ITPKB: variants seen among roughly 807,000 people sequenced by gnomAD.
The protein encoded by ITPKB is IP3 3-kinase B.
ITPKB carries 13 observed loss-of-function variants against 69.4 expected under a neutral mutation model. The observed-to-expected ratio is 0.19, with a 90% CI of 0.12 to 0.30. ITPKB has a LOEUF of 0.30. Ranked by LOEUF, ITPKB falls within the 10% of genes least tolerant of loss-of-function variation. ITPKB has a pLI of 1.00. For missense variants in ITPKB, 1,240 were observed against 1,250.5 expected (o/e 0.99, Z 0.13); for synonymous variants, 584 against 513.7 (o/e 1.14, Z -1.85).
intron 2 of ITPKB, among the ~76,000 whole-genome samples, chr1:226,686,421 C>G (rs1271369344): frequency 1.3e-5 from 2 of 152,184 alleles, no homozygotes; most frequent in African/African-American, 4.8e-5. Context: ...TTCCCAGGAG[C>G]ATTTCTTGTT....
intron 6 of ITPKB, among the ~76,000 whole-genome samples, chr1:226,639,335 G>C (rs578184556): frequency 6.6e-6 from 1 of 152,340 alleles, no homozygotes; most frequent in East Asian, 1.9e-4. Context: ...TGGGATTACA[G>C]GCGTGAGCCA....
chr1:226,638,162 G>A (rs1668878435), intron 6 of ITPKB, among the ~76,000 whole-genome samples: 1 of 152,206 alleles, frequency 6.6e-6, no homozygotes. Context: ...CAGCTGGCCG[G>A]GCCAGCCGAG....
At position 226,641,811 on chromosome 1, in the gene ITPKB, T is replaced by C; in HGVS notation, c.2451+110A>G. On this transcript the variant is annotated intron_variant, in intron 5 of 7. Coordinates refer to ENST00000429204, the MANE Select transcript of ITPKB (RefSeq NM_002221.4). This position sits in a 1 kb window ranked among gnomAD's most constrained non-coding sequence, Gnocchi z 4.6. ...GCCTTGGGGCGGGCCACCCACATTC[T>C]GAGCCTGTGCCTGGAGAAGCTTACA... The C allele has an allele frequency of 9.6e-7, 1 of 1,040,176 alleles. No individual in the cohort carries two copies. Among genetic ancestry groups the C allele is most frequent in the Non-Finnish European group, 1.4e-6 (1 of 707,136 alleles). 64.4% of individuals were successfully genotyped at this position (1,040,176 alleles called of 1,614,324 possible).
intron 2 of ITPKB, among the ~76,000 whole-genome samples, chr1:226,715,218 G>A (rs1352581787): frequency 2.0e-5 from 3 of 152,220 alleles, no homozygotes; most frequent in African/African-American, 7.2e-5. Context: ...GCTTGTACAT[G>A]TATCCCTACT....
In ITPKB at chr1:226,642,326, T is replaced by C. The variant is rs1428936402; in HGVS notation, c.2247-201A>G. On this transcript the variant is annotated intron_variant, in intron 4 of 7. Transcript: ENST00000429204. The surrounding 1 kb of genome is among the most constrained non-coding windows in gnomAD (Gnocchi z 6.4). Reference sequence around the variant, plus strand: ...GGGGCTGGCTCTAATTTTTCTTTTCTTTTTTTTTTAGACAATTTTTTTAGT... The same window carrying C: ...GGGGCTGGCTCTAATTTTTCTTTTCCTTTTTTTTTAGACAATTTTTTTAGT... Among the ~76,000 whole-genome samples the C allele has an allele frequency of 1.3e-5, 2 of 148,802 alleles. No homozygotes were observed. The highest frequency in any genetic ancestry group is 3.0e-5 in the Non-Finnish European group (2 of 66,930).
intron 2 of ITPKB, among the ~76,000 whole-genome samples, chr1:226,723,663 G>C (rs187456256): frequency 4.4e-4 from 67 of 152,178 alleles, no homozygotes; most frequent in Admixed American, 2.3e-3. Context: ...CAAGAAAGCA[G>C]AGGAACAAGG....
intron 2 of ITPKB, among the ~76,000 whole-genome samples, chr1:226,728,452 T>C (rs1029069284): frequency 6.6e-6 from 1 of 152,136 alleles, no homozygotes; most frequent in African/African-American, 2.4e-5. Context: ...GAAATGATTG[T>C]AACAAGTCAT....
chr1:226,708,578 G>C (rs1228702122), intron 2 of ITPKB, among the ~76,000 whole-genome samples: 2 of 152,130 alleles, frequency 1.3e-5, no homozygotes, highest in Non-Finnish European at 2.9e-5. Flanking sequence ...TTTCCTCCAA[G>C]GGATATTATC....
intron 2 of ITPKB, among the ~76,000 whole-genome samples, chr1:226,689,667 T>G (rs1022663817): frequency 6.6e-6 from 1 of 151,608 alleles, no homozygotes; most frequent in African/African-American, 2.4e-5. Flanking sequence ...ACAGGTCACA[T>G]AGGTAAACTT....
chr1:226,688,788 A>G (rs1571859258), intron 2 of ITPKB, among the ~76,000 whole-genome samples: 1 of 152,332 alleles, frequency 6.6e-6, no homozygotes, highest in East Asian at 1.9e-4. Context: ...GGACGCTGGT[A>G]TGACTCTCAC....
rs1419977600 is a variant in ITPKB at position 226,637,454 on chromosome 1, G to A, written c.2625+225C>T. On this transcript the variant is annotated intron_variant, in intron 7 of 7. Coordinates refer to ENST00000429204, the MANE Select transcript of ITPKB (RefSeq NM_002221.4). This position sits in a 1 kb window ranked among gnomAD's most constrained non-coding sequence, Gnocchi z 4.3. Reference sequence around the variant, plus strand: ...CTGGAGCTGGAAGGACAAGGGAGGAGAAAGGGGGCAATAGCCAGGGGTCTC... The same window carrying A: ...CTGGAGCTGGAAGGACAAGGGAGGAAAAAGGGGGCAATAGCCAGGGGTCTC... Among the ~76,000 whole-genome samples the A allele has an allele frequency of 6.6e-6, 1 of 152,228 alleles. No individual in the cohort carries two copies. The highest frequency in any genetic ancestry group is 1.5e-5 in the Non-Finnish European group (1 of 68,040).
Position 226,738,226 on chromosome 1 carries a change from G to A in ITPKB, c.-205-563C>T, listed in dbSNP as rs1327085925. Among the ~76,000 whole-genome samples the A allele has an allele frequency of 6.6e-6, 1 of 152,232 alleles. No individual in the cohort carries two copies. Among genetic ancestry groups the A allele is most frequent in the Non-Finnish European group, 1.5e-5 (1 of 68,026 alleles). On this transcript the variant is annotated intron_variant, in intron 1 of 7. Coordinates refer to ENST00000429204, the MANE Select transcript of ITPKB (RefSeq NM_002221.4). This position sits in a 1 kb window ranked among gnomAD's most constrained non-coding sequence, Gnocchi z 4.2. Reference sequence around the variant, plus strand: ...GCTGCCAGCGCCCGGATCTGGGAGGGCGCCCGCGTGCCCGCCGTTTACCTT... The same window carrying A: ...GCTGCCAGCGCCCGGATCTGGGAGGACGCCCGCGTGCCCGCCGTTTACCTT...
intron 2 of ITPKB, among the ~76,000 whole-genome samples, chr1:226,700,087 C>T (rs945214249): frequency 2.0e-5 from 3 of 152,092 alleles, no homozygotes; most frequent in African/African-American, 7.2e-5. Context: ...TGGTGCCCAC[C>T]CAGATTAAGG....
At chr1:226,661,115 C>A (rs1490396316) in intron 2 of ITPKB, among the ~76,000 whole-genome samples, 1 of 152,256 alleles carries the variant, frequency 6.6e-6, no homozygotes, top group Non-Finnish European at 1.5e-5. Flanking sequence ...CTCAGAGGCG[C>A]CAGCCAGGGG....
At chr1:226,725,485 C>G (rs957927798) in intron 2 of ITPKB, among the ~76,000 whole-genome samples, 1 of 152,238 alleles carries the variant, frequency 6.6e-6, no homozygotes, top group South Asian at 2.1e-4. Flanking sequence ...ATTAAAAGCT[C>G]AAGACTTTGC....
intron 2 of ITPKB, among the ~76,000 whole-genome samples, chr1:226,652,997 G>A (rs189883323): frequency 1.1e-4 from 16 of 152,260 alleles, no homozygotes; most frequent in African/African-American, 3.4e-4. Context: ...GTCATCTCTC[G>A]GGGAGATAGG....
At position 226,637,833 on chromosome 1, in the gene ITPKB, C is replaced by A; in HGVS notation, c.2554-83G>T. The A allele has an allele frequency of 2.0e-6, 2 of 1,024,196 alleles. No individual in the cohort carries two copies. The highest frequency in any genetic ancestry group is 1.6e-5 in the African/African-American group (1 of 63,460). 63.4% of individuals were successfully genotyped at this position (1,024,196 alleles called of 1,614,324 possible). A position where few individuals can be genotyped will look rare whatever the true frequency, so the allele number is the denominator to read the frequency against. ...AACACCCATGCGGCCTCTAGTGGTCCCTCCCGTGAATGTGCTTTACCCTAA... is the reference window on the plus strand; with the variant it reads ...AACACCCATGCGGCCTCTAGTGGTCACTCCCGTGAATGTGCTTTACCCTAA... On this transcript the variant is annotated intron_variant, in intron 6 of 7. Transcript: ENST00000429204. The surrounding 1 kb of genome is among the most constrained non-coding windows in gnomAD (Gnocchi z 4.3).
At chr1:226,643,865 C>CTGCACACACACAGG (rs1558300765) in intron 4 of ITPKB, among the ~76,000 whole-genome samples, 1 of 152,240 alleles carries the variant, frequency 6.6e-6, no homozygotes. Flanking sequence ...CTGTGCACCA[C>CTGCACACACACAGG]TGCACACACA....
intron 4 of ITPKB, among the ~76,000 whole-genome samples, chr1:226,643,045 C>A (rs984032781): frequency 6.6e-6 from 1 of 152,206 alleles, no homozygotes; most frequent in Non-Finnish European, 1.5e-5. Context: ...CGACACCAGG[C>A]CTCCTCATAG....
Sources: allele counts gnomAD v4.1 joint callset (sites outside exome capture counted in the v4.1 genomes callset), GRCh38; gene constraint gnomAD v4.1.1; non-coding constraint Gnocchi (gnomAD v3.1); transcripts MANE v1.5; gene names NCBI Gene and HGNC (gene_info 2026-07-23, HGNC 2026-07-21).